KIF21A: variants seen among roughly 807,000 people sequenced by gnomAD.
KIF21A encodes the protein kinesin family member 21A, also known as kinesin-like protein KIF21A.
A neutral mutation model predicts 202.9 loss-of-function variants in KIF21A; 114 were observed. The observed-to-expected ratio is 0.56, with a 90% CI of 0.48 to 0.66. The LOEUF is 0.66. KIF21A is among the 30% of genes least tolerant of loss of function. The pLI, the probability that KIF21A is intolerant of heterozygous loss-of-function variation, is 0.00. For missense variants in KIF21A, 1,677 were observed against 1,994.9 expected (o/e 0.84, Z 3.04); for synonymous variants, 667 against 670.8 (o/e 0.99, Z 0.09).
At chr12:39,386,597 T>G (rs1309689581) in intron 1 of KIF21A, among the ~76,000 whole-genome samples, 1 of 152,138 alleles carries the variant, frequency 6.6e-6, no homozygotes, top group Non-Finnish European at 1.5e-5. Context: ...AACAGTAAGA[T>G]GAAAAGCTAC....
chr12:39,312,671 T>TA (rs1944150645), intron 31 of KIF21A: 1 of 151,846 alleles, frequency 6.6e-6, no homozygotes, highest in African/African-American at 2.4e-5. Context: ...AAATTTAAAA[T>TA]AAAAAAATTA....
intron 34 of KIF21A, 102 bp from the exon 35 acceptor site, chr12:39,305,040 C>G: frequency 1.4e-6 from 1 of 702,632 alleles, no homozygotes; most frequent in Non-Finnish European, 2.5e-6. Context: ...AAATAATTCA[C>G]TAACTTTTTT....
In KIF21A at chr12:39,442,460, C is replaced by CTT. The variant is rs1489570626; in HGVS notation, c.44+465_44+466dup. Among the ~76,000 whole-genome samples, 1 of 152,128 alleles carries CTT rather than the reference C, an allele frequency of 6.6e-6. No individual in the cohort carries two copies. The highest frequency in any genetic ancestry group is 1.5e-5 in the Non-Finnish European group (1 of 68,014). On this transcript the variant is annotated intron_variant, in intron 1 of 37. Transcript: ENST00000361418. The surrounding 1 kb of genome is among the most constrained non-coding windows in gnomAD (Gnocchi z 5.0). ...GGTCGCCGGCGCTGATAGTCAGATGCTTTGTCTCCTGCCTGGGAAGGCCGG... is the reference window on the plus strand; with the variant it reads ...GGTCGCCGGCGCTGATAGTCAGATGCTTTTTGTCTCCTGCCTGGGAAGGCCGG...
chr12:39,441,629 C>T (rs932090035), intron 1 of KIF21A, among the ~76,000 whole-genome samples: 2 of 119,358 alleles, frequency 1.7e-5, no homozygotes, highest in African/African-American at 6.7e-5. Context: ...GTGATTCTAA[C>T]CAGTCATAAA....
At chr12:39,373,360 G>A (rs1174178349) in intron 1 of KIF21A, among the ~76,000 whole-genome samples, 15 of 151,746 alleles carry the variant, frequency 9.9e-5, no homozygotes, top group South Asian at 2.1e-4. Flanking sequence ...TCCTTTACCC[G>A]CCTGAATATT....
intron 1 of KIF21A, among the ~76,000 whole-genome samples, chr12:39,391,073 A>G (rs1046856125): frequency 5.3e-5 from 8 of 152,204 alleles, no homozygotes; most frequent in East Asian, 1.9e-4. Context: ...TACTGAAGTC[A>G]GGATAGAAGG....
intron 36 of KIF21A, among the ~76,000 whole-genome samples, chr12:39,302,762 T>C (rs1943086182): frequency 6.6e-6 from 1 of 152,208 alleles, no homozygotes; most frequent in South Asian, 2.1e-4. Flanking sequence ...TCTTCTCTTA[T>C]CTAGCGGGTA....
intron 1 of KIF21A, among the ~76,000 whole-genome samples, chr12:39,415,345 T>C (rs1953478982): frequency 6.8e-6 from 1 of 146,676 alleles, no homozygotes; most frequent in Admixed American, 6.9e-5. Flanking sequence ...GTTCACGCCA[T>C]TCTCCTACCT....
At chr12:39,431,145 A>G (rs1937835089) in intron 1 of KIF21A, among the ~76,000 whole-genome samples, 1 of 152,206 alleles carries the variant, frequency 6.6e-6, no homozygotes. Flanking sequence ...CTGGACAACT[A>G]AACTGGATGG....
chr12:39,401,791 A>G (rs2139863744), intron 1 of KIF21A, among the ~76,000 whole-genome samples: 2 of 152,284 alleles, frequency 1.3e-5, no homozygotes, highest in Middle Eastern at 6.8e-3. Context: ...CCTTTTAGAA[A>G]TGGGATTTCA....
intron 1 of KIF21A, among the ~76,000 whole-genome samples, chr12:39,385,439 T>A (rs1950881488): frequency 6.6e-6 from 1 of 152,178 alleles, no homozygotes; most frequent in Non-Finnish European, 1.5e-5. Flanking sequence ...ATTTCATCCA[T>A]ACCCAAAGAG....
At chr12:39,378,328 T>C (rs752232849) in intron 1 of KIF21A, among the ~76,000 whole-genome samples, 3 of 152,182 alleles carry the variant, frequency 2.0e-5, no homozygotes, top group East Asian at 1.9e-4. Flanking sequence ...CTCTGTTGAA[T>C]AGCAGATGTC....
chr12:39,383,795 C>CA (rs1950770443), intron 1 of KIF21A, among the ~76,000 whole-genome samples: 1 of 151,052 alleles, frequency 6.6e-6, no homozygotes, highest in Non-Finnish European at 1.5e-5. Flanking sequence ...TGAGACATCT[C>CA]AAAAAAATAA....
chr12:39,441,874 T>C (rs1404285858), intron 1 of KIF21A, among the ~76,000 whole-genome samples: 1 of 151,952 alleles, frequency 6.6e-6, no homozygotes, highest in African/African-American at 2.4e-5. Flanking sequence ...TTCCTTGGAG[T>C]GTAGATTATT....
intron 1 of KIF21A, among the ~76,000 whole-genome samples, chr12:39,411,675 C>T (rs1953092651): frequency 6.6e-6 from 1 of 152,120 alleles, no homozygotes; most frequent in Non-Finnish European, 1.5e-5. Context: ...TACAGGCATG[C>T]ACCACCACAC....
Position 39,303,111 on chromosome 12 carries a change from G to A in KIF21A, c.4585C>T (p.Leu1529Phe). ...TTGTGGGTGGGACTCACAGTCCCAA[G>A]AGCTCCTTCTGTAACATCAAACATC... Reference protein sequence around the residue: ...IKMFDVTEGALGTVSPTHNFE... With the variant: ...IKMFDVTEGAFGTVSPTHNFE... The change falls in exon 36 of 38, where the codon CTT becomes TTT. Residue 1529 changes from leucine to phenylalanine, a missense_variant. By Grantham distance (22) the Leu-to-Phe change is conservative (BLOSUM62 0). This residue lies in a region of KIF21A where 705 missense variants were observed against 791.9 expected (regional missense o/e 0.89). Coordinates refer to ENST00000361418, the MANE Select transcript of KIF21A (RefSeq NM_001173464.2). The A allele has an allele frequency of 6.2e-7, 1 of 1,614,038 alleles. No homozygotes were observed. Among genetic ancestry groups the A allele is most frequent in the Non-Finnish European group, 8.5e-7 (1 of 1,179,950 alleles).
chr12:39,324,495 G>T (rs1238796558), intron 26 of KIF21A, among the ~76,000 whole-genome samples: 1 of 152,158 alleles, frequency 6.6e-6, no homozygotes, highest in African/African-American at 2.4e-5. Flanking sequence ...TAGACACTTA[G>T]AATAATAAAA....
intron 15 of KIF21A, 94 bp downstream of exon 15, chr12:39,340,812 T>A (rs957744011): frequency 1.1e-5 from 10 of 882,924 alleles, no homozygotes; most frequent in Admixed American, 2.4e-5. Context: ...AAGGGTTTAA[T>A]ACGGCTTCTA....
intron 26 of KIF21A, 89 bp downstream of exon 26, chr12:39,325,750 T>G: frequency 2.2e-6 from 2 of 912,284 alleles, no homozygotes; most frequent in Non-Finnish European, 3.7e-6. Context: ...TGCTAATCTA[T>G]TAAGAGTCAA....
Sources: gnomAD v4.1 joint callset for allele counts (sites outside exome capture counted in the v4.1 genomes callset) on GRCh38, gnomAD v4.1.1 for gene constraint, gnomAD v4.1.1 regional missense constraint, Gnocchi (gnomAD v3.1) non-coding constraint, MANE v1.5 for transcripts, NCBI Gene and HGNC (gene_info 2026-07-23, HGNC 2026-07-21) for gene names.